FARS2: variants seen among roughly 807,000 people sequenced by gnomAD.
The protein encoded by FARS2 is phenylalanyl-tRNA synthetase 2, mitochondrial.
Under a neutral mutation model 46.4 loss-of-function variants are expected in FARS2, and 40 were observed. The ratio of observed to expected loss-of-function variants is 0.86; its 90% CI spans 0.67 to 1.12. FARS2 has a LOEUF of 1.12. FARS2 is among the 50% of genes most tolerant of loss of function. The pLI is 0.00. For synonymous variants in FARS2, 234 were observed against 214.9 expected (o/e 1.09, Z -0.78); for missense variants, 513 against 567.9 (o/e 0.90, Z 0.98).
chr6:5,561,558 T>G (rs1771987195), intron 5 of FARS2, among the ~76,000 whole-genome samples: 1 of 152,190 alleles, frequency 6.6e-6, no homozygotes, highest in Non-Finnish European at 1.5e-5. Context: ...TAATAATGCC[T>G]TTTATTTTGA....
At chr6:5,321,358 A>G (rs1769959338) in intron 1 of FARS2, among the ~76,000 whole-genome samples, 1 of 152,218 alleles carries the variant, frequency 6.6e-6, no homozygotes, top group Non-Finnish European at 1.5e-5. Context: ...TTGTAGACGT[A>G]GCCTTTAAGG....
chr6:5,508,513 G>A (rs2150396926), intron 4 of FARS2, among the ~76,000 whole-genome samples: 1 of 152,212 alleles, frequency 6.6e-6, no homozygotes, highest in African/African-American at 2.4e-5. Context: ...AGATCTTCTT[G>A]GGGAAAGGGG....
chr6:5,687,677 T>C (rs947208385), intron 6 of FARS2, among the ~76,000 whole-genome samples: 2 of 152,246 alleles, frequency 1.3e-5, no homozygotes, highest in African/African-American at 2.4e-5. Context: ...GACTTGGCAA[T>C]GTGGGCTCTT....
chr6:5,293,255 A>G (rs1767626525), intron 1 of FARS2, among the ~76,000 whole-genome samples: 1 of 152,182 alleles, frequency 6.6e-6, no homozygotes, highest in Non-Finnish European at 1.5e-5. Flanking sequence ...GTAGCTATGA[A>G]GGGAGGTTTG....
intron 6 of FARS2, among the ~76,000 whole-genome samples, chr6:5,748,460 A>G (rs1027323005): frequency 2.0e-5 from 3 of 152,178 alleles, no homozygotes; most frequent in Non-Finnish European, 4.4e-5. Context: ...TTTCTCCCCA[A>G]GAATGGTGAG....
chr6:5,588,374 A>T (rs1773735412), intron 5 of FARS2, among the ~76,000 whole-genome samples: 1 of 152,176 alleles, frequency 6.6e-6, no homozygotes, highest in Non-Finnish European at 1.5e-5. Flanking sequence ...GATAAGTTAG[A>T]AATCTGGAAG....
chr6:5,602,826 A>C (rs971231286), intron 5 of FARS2, among the ~76,000 whole-genome samples: 1 of 151,978 alleles, frequency 6.6e-6, no homozygotes, highest in African/African-American at 2.4e-5. Flanking sequence ...CCCTTTTGGC[A>C]CGCTTATAAT....
At chr6:5,609,605 C>A in intron 5 of FARS2, 1 of 1,248,470 alleles carries the variant, frequency 8.0e-7, no homozygotes, top group Non-Finnish European at 1.2e-6. Context: ...AACCACTTCA[C>A]CTCTTTGGCT....
chr6:5,669,802 T>C (rs190391952), intron 6 of FARS2, among the ~76,000 whole-genome samples: 61 of 152,200 alleles, frequency 4.0e-4, no homozygotes, highest in Non-Finnish European at 1.0e-4. Flanking sequence ...CAGAGCCTTG[T>C]CCGGAGTTGG....
chr6:5,592,229 T>C (rs963220517), intron 5 of FARS2, among the ~76,000 whole-genome samples: 5 of 151,956 alleles, frequency 3.3e-5, no homozygotes, highest in Non-Finnish European at 4.4e-5. Flanking sequence ...TACAAAAAAA[T>C]ACAAAAATTA....
At chr6:5,449,691 TTG>T (rs1207292390) in intron 4 of FARS2, among the ~76,000 whole-genome samples, 4 of 152,110 alleles carry the variant, frequency 2.6e-5, no homozygotes, top group Non-Finnish European at 5.9e-5. Context: ...GTTTTGGATT[TTG>T]TGTGTGTGTG....
At chr6:5,303,907 C>T (rs1581735286) in intron 1 of FARS2, among the ~76,000 whole-genome samples, 1 of 136,906 alleles carries the variant, frequency 7.3e-6, no homozygotes, top group Admixed American at 6.9e-5. Context: ...CAATCATTGA[C>T]CAAGTACGCA....
chr6:5,484,402 T>G (rs926315204), intron 4 of FARS2, among the ~76,000 whole-genome samples: 2 of 152,224 alleles, frequency 1.3e-5, no homozygotes, highest in Non-Finnish European at 2.9e-5. Context: ...CATTAGAGCT[T>G]GCAGTGATGA....
chr6:5,576,065 A>C (rs528656041), intron 5 of FARS2, among the ~76,000 whole-genome samples: 1 of 152,298 alleles, frequency 6.6e-6, no homozygotes, highest in South Asian at 2.1e-4. Flanking sequence ...TTATTTATGG[A>C]GTGGTACTTT....
At chr6:5,748,105 T>C (rs1452543834) in intron 6 of FARS2, among the ~76,000 whole-genome samples, 1 of 152,126 alleles carries the variant, frequency 6.6e-6, no homozygotes, top group Non-Finnish European at 1.5e-5. Context: ...CCCTTTCTGC[T>C]TCCCTCACCC....
chr6:5,596,867 A>G (rs1292148031), intron 5 of FARS2, among the ~76,000 whole-genome samples: 1 of 152,176 alleles, frequency 6.6e-6, no homozygotes, highest in Non-Finnish European at 1.5e-5. Context: ...ACTCACTTAT[A>G]ATCTTTGTTA....
intron 4 of FARS2, among the ~76,000 whole-genome samples, chr6:5,540,633 G>A (rs544944873): frequency 2.1e-4 from 32 of 152,316 alleles, no homozygotes; most frequent in African/African-American, 7.5e-4. Context: ...TCTAAAACTC[G>A]TTTATGGAGT....
intron 4 of FARS2, among the ~76,000 whole-genome samples, chr6:5,539,578 T>A (rs1249427651): frequency 2.0e-5 from 3 of 151,902 alleles, no homozygotes; most frequent in African/African-American, 7.3e-5. Context: ...CATCTGACTT[T>A]TAGCAGTGTA....
chr6:5,277,468 A>AT (rs542512595), intron 1 of FARS2, among the ~76,000 whole-genome samples: 19 of 151,946 alleles, frequency 1.3e-4, no homozygotes, highest in Non-Finnish European at 2.4e-4. Context: ...AATAATACAC[A>AT]TTTTTTTTAT....
Sources: allele counts gnomAD v4.1 joint callset (sites outside exome capture counted in the v4.1 genomes callset), GRCh38; gene constraint gnomAD v4.1.1; transcripts MANE v1.5; gene names NCBI Gene and HGNC (gene_info 2026-07-23, HGNC 2026-07-21).